Variants in TENM4 observed in about 807,000 individuals in gnomAD.
TENM4 encodes teneurin transmembrane protein 4.
Under a neutral mutation model 243.3 loss-of-function variants are expected in TENM4, and 82 were observed. That is an observed-to-expected ratio of 0.34 (90% CI 0.28 to 0.40). TENM4 has a LOEUF of 0.40. Ranked by LOEUF, TENM4 falls within the 10% of genes least tolerant of loss-of-function variation. The probability of loss-of-function intolerance (pLI) is 1.00; values close to 1 mark genes in which losing one functional copy is unlikely to be tolerated. For missense variants in TENM4, 3,138 were observed against 3,673.3 expected (o/e 0.85, Z 3.77); for synonymous variants, 1,412 against 1,456.3 (o/e 0.97, Z 0.69).
intron 6 of TENM4, among the ~76,000 whole-genome samples, chr11:78,928,542 T>C (rs961857129): frequency 6.6e-6 from 1 of 152,162 alleles, no homozygotes; most frequent in South Asian, 2.1e-4. Flanking sequence ...CACTATATAA[T>C]TAAAAAGGGA....
chr11:79,030,890 C>T (rs539179263), intron 6 of TENM4, among the ~76,000 whole-genome samples: 10 of 151,882 alleles, frequency 6.6e-5, no homozygotes, highest in East Asian at 1.9e-4. Context: ...ATAGATGGGG[C>T]GTAGGATGGA....
rs142518658 is a variant in TENM4, at chr11:79,400,285, T to A, written c.-321+40224A>T. Among the ~76,000 whole-genome samples the A allele has an allele frequency of 1.6e-4, 24 of 151,992 alleles. No individual in the cohort carries two copies. In the East Asian group the frequency reaches 4.2e-3, roughly 27 times the overall value. On this transcript the variant is annotated intron_variant, in intron 1 of 33. Coordinates refer to ENST00000278550, the MANE Select transcript of TENM4 (RefSeq NM_001098816.3). ...CCAGAATCCAGTCACTGCAACTTTC[T>A]GCTCCATGGTCCGCTTCCTTAACCA...
rs549924760 is a variant in TENM4 at position 79,285,988 on chromosome 11, TA to T, written c.-265+11499del. On this transcript the variant is annotated intron_variant, in intron 2 of 33. Coordinates refer to ENST00000278550, the MANE Select transcript of TENM4 (RefSeq NM_001098816.3). ...TGGTTGCACAACTCTGTGAATAGAC[TA>T]AAAAAATACTGAAATGTTACTTTAA... 3.6e-4 allele frequency among the ~76,000 whole-genome samples: 55 copies of T among 152,186 alleles called. No individual in the cohort carries two copies. In the East Asian group the frequency reaches 9.5e-3, roughly 26 times the overall value.
At chr11:79,039,911 G>A (rs747203107) in intron 6 of TENM4, among the ~76,000 whole-genome samples, 1 of 152,116 alleles carries the variant, frequency 6.6e-6, no homozygotes, top group Non-Finnish European at 1.5e-5. Context: ...TGTACTCAGT[G>A]CTTGCTAATG....
intron 6 of TENM4, among the ~76,000 whole-genome samples, chr11:78,985,955 T>G (rs977471310): frequency 6.6e-6 from 1 of 152,222 alleles, no homozygotes; most frequent in South Asian, 2.1e-4. Context: ...GGAGGCCCTA[T>G]GCATCTAATG....
intron 6 of TENM4, among the ~76,000 whole-genome samples, chr11:78,904,216 C>T (rs1203458078): frequency 6.6e-6 from 1 of 151,570 alleles, no homozygotes; most frequent in African/African-American, 2.4e-5. Flanking sequence ...AAAAATTAGC[C>T]GGGCGTGGTG....
chr11:79,146,183 C>A (rs1862392301), intron 4 of TENM4, among the ~76,000 whole-genome samples: 2 of 151,996 alleles, frequency 1.3e-5, no homozygotes. Context: ...ATTTGAAGCA[C>A]CCTGTGATAC....
rs192526913 is a variant in TENM4, at chr11:79,311,014, A to G, written c.-320-13471T>C. Among the ~76,000 whole-genome samples the G allele has an allele frequency of 2.4e-4, 37 of 152,350 alleles. No individual in the cohort carries two copies. In the South Asian group the frequency reaches 6.8e-3, roughly 28 times the overall value. Reference sequence around the variant, plus strand: ...TTTAGAGAGTGACTGCTTGGAGATGAAAGTCTTCAGGTTAATTCATTCCTT... The same window carrying G: ...TTTAGAGAGTGACTGCTTGGAGATGGAAGTCTTCAGGTTAATTCATTCCTT... On this transcript the variant is annotated intron_variant, in intron 1 of 33. Coordinates refer to ENST00000278550, the MANE Select transcript of TENM4 (RefSeq NM_001098816.3).
intron 2 of TENM4, among the ~76,000 whole-genome samples, chr11:79,240,796 A>T (rs1026929897): frequency 1.3e-5 from 2 of 151,766 alleles, no homozygotes; most frequent in Non-Finnish European, 2.9e-5. Context: ...TTTGCATATA[A>T]TTTTTTTTCT....
At chr11:79,331,006 C>A (rs1017276733) in intron 1 of TENM4, among the ~76,000 whole-genome samples, 4 of 152,212 alleles carry the variant, frequency 2.6e-5, no homozygotes, top group African/African-American at 4.8e-5. Context: ...AGTTGGGAAC[C>A]AGACGTTTCC....
intron 13 of TENM4, 103 bp from the exon 14 acceptor site, chr11:78,812,419 C>G (rs1857519675): frequency 7.4e-7 from 1 of 1,345,086 alleles, no homozygotes; most frequent in Admixed American, 2.1e-5. Flanking sequence ...CCAGTAGCCT[C>G]AACTGCTCTG....
At chr11:78,794,717 T>C (rs1182984363) in intron 15 of TENM4, among the ~76,000 whole-genome samples, 2 of 151,720 alleles carry the variant, frequency 1.3e-5, no homozygotes, top group Non-Finnish European at 2.9e-5. Context: ...GAGCAGAAAA[T>C]GTAGAAGGAG....
intron 1 of TENM4, among the ~76,000 whole-genome samples, chr11:79,412,478 G>C (rs1858721683): frequency 6.6e-6 from 1 of 152,160 alleles, no homozygotes; most frequent in Non-Finnish European, 1.5e-5. Context: ...CTCTAGAGCT[G>C]AATTATCTGG....
At chr11:78,944,950 C>T (rs977494982) in intron 6 of TENM4, among the ~76,000 whole-genome samples, 2 of 152,190 alleles carry the variant, frequency 1.3e-5, no homozygotes, top group Admixed American at 6.5e-5. Context: ...CTACTAAAAA[C>T]TCTTAATAAA....
At chr11:79,256,262 C>A (rs1855699431) in intron 2 of TENM4, among the ~76,000 whole-genome samples, 1 of 152,216 alleles carries the variant, frequency 6.6e-6, no homozygotes, top group Non-Finnish European at 1.5e-5. Flanking sequence ...TGTTGCTAAT[C>A]CTGGGGTGCT....
rs996962266 is a variant in TENM4 at position 79,413,867 on chromosome 11, A to C, written c.-321+26642T>G. 2.6e-5 allele frequency among the ~76,000 whole-genome samples: 4 copies of C among 152,198 alleles called. No homozygotes were observed. In the East Asian group the frequency reaches 5.8e-4, roughly 22 times the overall value. On this transcript the variant is annotated intron_variant, in intron 1 of 33. Coordinates refer to ENST00000278550, the MANE Select transcript of TENM4 (RefSeq NM_001098816.3). ...ATGTAAAAAAGAATCATGTCTGCAA[A>C]AAAAAGGAGAAAAATATATATCTAC...
intron 1 of TENM4, among the ~76,000 whole-genome samples, chr11:79,351,267 T>C (rs1414741273): frequency 2.0e-5 from 3 of 152,194 alleles, no homozygotes; most frequent in African/African-American, 4.8e-5. Context: ...TTCTCATATA[T>C]GGTATCATCT....
chr11:79,216,537 G>A (rs1032167169), intron 2 of TENM4, among the ~76,000 whole-genome samples: 50 of 152,226 alleles, frequency 3.3e-4, no homozygotes, highest in African/African-American at 1.2e-3. Flanking sequence ...GGTAGTGTTG[G>A]GAGGTAGGGA....
At chr11:79,269,314 T>G (rs1385619519) in intron 2 of TENM4, among the ~76,000 whole-genome samples, 1 of 152,244 alleles carries the variant, frequency 6.6e-6, no homozygotes, top group African/African-American at 2.4e-5. Context: ...CTGTTTGTAT[T>G]ATTTAACAAG....
Sources: gnomAD v4.1 joint callset for allele counts (sites outside exome capture counted in the v4.1 genomes callset) on GRCh38, gnomAD v4.1.1 for gene constraint, MANE v1.5 for transcripts, NCBI Gene and HGNC (gene_info 2026-07-23, HGNC 2026-07-21) for gene names.